The following PKNOX2 variants were observed in gnomAD, a reference collection of about 807,000 sequenced individuals.
The protein encoded by PKNOX2 is PBX/knotted 1 homeobox 2, also known as homeobox protein PKNOX2.
PKNOX2 carries 14 observed loss-of-function variants against 53.1 expected under a neutral mutation model. The observed-to-expected ratio is 0.26, with a 90% CI of 0.17 to 0.41. PKNOX2 has a LOEUF of 0.41. Among genes scored for constraint, PKNOX2 ranks in the 10% least tolerant of loss-of-function variants. The pLI is 1.00. For synonymous variants in PKNOX2, 257 were observed against 242.8 expected, an observed-to-expected ratio of 1.06 and a Z score of -0.54; for missense variants, 496 against 602.8, an observed-to-expected ratio of 0.82 and a Z score of 1.85.
chr11:125,305,379 G>A (rs931356796), intron 2 of PKNOX2, among the ~76,000 whole-genome samples: 5 of 152,184 alleles, frequency 3.3e-5, no homozygotes, highest in African/African-American at 1.2e-4. Flanking sequence ...AGGGCTCTCA[G>A]CAAGACCACA....
intron 1 of PKNOX2, among the ~76,000 whole-genome samples, chr11:125,202,896 T>A (rs1397262334): frequency 6.6e-6 from 1 of 152,236 alleles, no homozygotes; most frequent in East Asian, 1.9e-4. Flanking sequence ...AGCTGCCAGG[T>A]ATTTTTAGAG....
intron 2 of PKNOX2, chr11:125,287,792 A>G (rs1947005091): frequency 6.6e-6 from 1 of 152,262 alleles, no homozygotes; most frequent in Admixed American, 6.5e-5. Context: ...CAGACTGCTA[A>G]TGAAAGAGAG....
At chr11:125,286,197 G>A (rs952495463) in intron 2 of PKNOX2, among the ~76,000 whole-genome samples, 2 of 152,184 alleles carry the variant, frequency 1.3e-5, no homozygotes, top group Non-Finnish European at 2.9e-5. Flanking sequence ...ACAGATGTGG[G>A]GCCAGGGCAT....
Position 125,429,995 on chromosome 11 carries a change from C to A in PKNOX2, c.1046C>A (p.Pro349His), listed in dbSNP as rs1247966834. Residue 349 changes from proline to histidine, a missense_variant, in exon 12 of 13, where the codon CCC becomes CAC. Pro to His is a moderately conservative substitution (Grantham distance 77). This residue lies in a region of PKNOX2 where 139 missense variants were observed against 161.3 expected (regional missense o/e 0.86). Transcript: ENST00000298282. Reference protein sequence around the residue: ...FINARRRILQPMLDASNPDPA... With the variant: ...FINARRRILQHMLDASNPDPA... ...AATGCCCGGAGGCGCATCCTGCAGC[C>A]CATGCTTGATGCCAGCAACCCAGAT... 1.9e-6 allele frequency: 3 copies of A among 1,614,016 alleles called. No individual in the cohort carries two copies. The highest frequency in any genetic ancestry group is 2.5e-6 in the Non-Finnish European group (3 of 1,180,034).
chr11:125,373,880 G>C (rs1004669154), intron 5 of PKNOX2, among the ~76,000 whole-genome samples: 1 of 152,222 alleles, frequency 6.6e-6, no homozygotes, highest in African/African-American at 2.4e-5. Context: ...CAGGCCTGCA[G>C]TGTAGCGTGG....
At chr11:125,294,528 G>A (rs763492099) in intron 2 of PKNOX2, among the ~76,000 whole-genome samples, 1 of 152,212 alleles carries the variant, frequency 6.6e-6, no homozygotes, top group Non-Finnish European at 1.5e-5. Flanking sequence ...TTAGGGGACA[G>A]GGTTGGGTGG....
At chr11:125,393,165 A>G (rs928070443) in intron 6 of PKNOX2, among the ~76,000 whole-genome samples, 1 of 151,520 alleles carries the variant, frequency 6.6e-6, no homozygotes, top group Non-Finnish European at 1.5e-5. Context: ...TCTCAAAAAA[A>G]AAAAAAAAAA....
At position 125,366,958 on chromosome 11, in the gene PKNOX2, T is replaced by C. The variant is rs538592450; in HGVS notation, c.88-888T>C. On this transcript the variant is annotated intron_variant, in intron 4 of 12. Coordinates refer to ENST00000298282, the MANE Select transcript of PKNOX2 (RefSeq NM_001382323.2). ...TCAGAGGAGAAGACAGATAAGTACA[T>C]GAAGCCCAACACCACATGTGGGGAG... Among the ~76,000 whole-genome samples the C allele has an allele frequency of 4.9e-4, 74 of 152,316 alleles. 1 individual carries two copies. The highest frequency in any genetic ancestry group is 1.8e-3 in the African/African-American group (73 of 41,564).
intron 3 of PKNOX2, among the ~76,000 whole-genome samples, chr11:125,342,504 G>A (rs1282471204): frequency 2.6e-5 from 4 of 152,216 alleles, no homozygotes; most frequent in Admixed American, 6.5e-5. Context: ...GTGGGAGCCC[G>A]AGAGGGCTGC....
At chr11:125,420,370 C>A (rs1031526031) in intron 10 of PKNOX2, among the ~76,000 whole-genome samples, 3 of 151,594 alleles carry the variant, frequency 2.0e-5, no homozygotes, top group African/African-American at 7.3e-5. Flanking sequence ...ACTAAAAATA[C>A]AAAAAATTAG....
intron 2 of PKNOX2, among the ~76,000 whole-genome samples, chr11:125,267,686 G>A (rs1945464707): frequency 6.6e-6 from 1 of 152,190 alleles, no homozygotes; most frequent in South Asian, 2.1e-4. Context: ...TCATCTTTCT[G>A]ATGGAGGAAG....
Position 125,422,169 on chromosome 11 carries a change from G to A in PKNOX2, c.937-6843G>A, listed in dbSNP as rs1256765135. 1.3e-5 allele frequency among the ~76,000 whole-genome samples: 2 copies of A among 152,092 alleles called. No homozygotes were observed. ...TGACCCCTCGCTCCAAGTTGTTGTG[G>A]TCCTCAAACCCTCTTCACCCCTTAT... On this transcript the variant is annotated intron_variant, in intron 10 of 12. Coordinates refer to ENST00000298282, the MANE Select transcript of PKNOX2 (RefSeq NM_001382323.2). The surrounding 1 kb of genome is among the most constrained non-coding windows in gnomAD (Gnocchi z 4.1).
At chr11:125,330,901 G>A (rs968727885) in intron 2 of PKNOX2, among the ~76,000 whole-genome samples, 27 of 152,324 alleles carry the variant, frequency 1.8e-4, no homozygotes, top group African/African-American at 6.5e-4. Context: ...AACTAGGAAG[G>A]AACTGTTGAT....
In PKNOX2 at chr11:125,401,480, G is replaced by T. The variant is rs189949578; in HGVS notation, c.588+3418G>T. Among the ~76,000 whole-genome samples the T allele has an allele frequency of 3.3e-5, 5 of 152,292 alleles. No individual in the cohort carries two copies. The East Asian group carries it at 7.7e-4, about 24-fold the overall frequency. On this transcript the variant is annotated intron_variant, in intron 7 of 12. Coordinates refer to ENST00000298282, the MANE Select transcript of PKNOX2 (RefSeq NM_001382323.2). ...TGCCTGCTTTGCTCAGGCTTCAGGG[G>T]TAAATACGGTAATTACACATAGGCT...
At chr11:125,222,098 G>A (rs1264809077) in intron 1 of PKNOX2, among the ~76,000 whole-genome samples, 1 of 152,174 alleles carries the variant, frequency 6.6e-6, no homozygotes, top group African/African-American at 2.4e-5. Context: ...AACAAAGCTG[G>A]GAACTTGACC....
chr11:125,208,334 A>T (rs1045945438), intron 1 of PKNOX2, among the ~76,000 whole-genome samples: 1 of 152,078 alleles, frequency 6.6e-6, no homozygotes, highest in Non-Finnish European at 1.5e-5. Flanking sequence ...GGAAAGTTAG[A>T]TTGGGACCAT....
intron 2 of PKNOX2, among the ~76,000 whole-genome samples, chr11:125,247,582 T>A (rs1943657913): frequency 6.6e-6 from 1 of 152,202 alleles, no homozygotes; most frequent in South Asian, 2.1e-4. Flanking sequence ...GTTAGCCTTT[T>A]GCACTCAATA....
chr11:125,388,733 C>G (rs924078008), intron 6 of PKNOX2, among the ~76,000 whole-genome samples: 3 of 152,028 alleles, frequency 2.0e-5, no homozygotes, highest in Admixed American at 6.6e-5. Context: ...AAGCAAGTTG[C>G]CCTGTACCAC....
intron 2 of PKNOX2, among the ~76,000 whole-genome samples, chr11:125,283,449 C>T (rs1591511848): frequency 6.6e-6 from 1 of 152,176 alleles, no homozygotes; most frequent in Admixed American, 6.5e-5. Flanking sequence ...TCCTGTACTT[C>T]AATATCTAGG....
Sources: allele counts gnomAD v4.1 joint callset (sites outside exome capture counted in the v4.1 genomes callset), GRCh38; gene constraint gnomAD v4.1.1; regional missense constraint gnomAD v4.1.1; non-coding constraint Gnocchi (gnomAD v3.1); transcripts MANE v1.5; gene names NCBI Gene and HGNC (gene_info 2026-07-23, HGNC 2026-07-21).